PLS1: variants seen among roughly 807,000 people sequenced by gnomAD.
PLS1 encodes the protein plastin-1.
In PLS1, 32 loss-of-function variants were observed where a neutral mutation model predicts 73.7. That is an observed-to-expected ratio of 0.43 (90% CI 0.33 to 0.58). PLS1 has a LOEUF of 0.58. Among genes scored for constraint, PLS1 ranks in the 20% least tolerant of loss-of-function variants. PLS1 has a pLI of 0.04. For missense variants in PLS1, 633 were observed against 740.5 expected, an observed-to-expected ratio of 0.85 and a Z score of 1.68; for synonymous variants, 217 against 261.3, an observed-to-expected ratio of 0.83 and a Z score of 1.63.
chr3:142,602,667 A>G (rs1489611659), intron 1 of PLS1, among the ~76,000 whole-genome samples: 4 of 151,684 alleles, frequency 2.6e-5, no homozygotes, highest in African/African-American at 9.7e-5. Context: ...CCTCTTGATG[A>G]ACCTAATTAC....
intron 1 of PLS1, among the ~76,000 whole-genome samples, chr3:142,656,283 A>G (rs1560052253): frequency 1.3e-5 from 2 of 152,234 alleles, no homozygotes; most frequent in African/African-American, 4.8e-5. Flanking sequence ...AAAGTTTTCT[A>G]TCATAGCTGT....
At chr3:142,671,153 G>A (rs757367347) in intron 4 of PLS1, 31 bp downstream of exon 4, 1 of 1,573,708 alleles carries the variant, frequency 6.4e-7, no homozygotes, top group East Asian at 2.2e-5. Context: ...TGATCTTTTA[G>A]TCACTGATTC....
chr3:142,642,269 A>G (rs1311012597), intron 1 of PLS1, among the ~76,000 whole-genome samples: 6 of 152,124 alleles, frequency 3.9e-5, no homozygotes, highest in Non-Finnish European at 8.8e-5. Flanking sequence ...CTTTGAGAAC[A>G]TGATTTTTAA....
At chr3:142,682,507 A>T (rs1358097348) in intron 6 of PLS1, among the ~76,000 whole-genome samples, 1 of 152,112 alleles carries the variant, frequency 6.6e-6, no homozygotes, top group Admixed American at 6.5e-5. Flanking sequence ...TATTGCAATC[A>T]ATTTAGCGAA....
intron 14 of PLS1, among the ~76,000 whole-genome samples, chr3:142,709,816 C>CAA (rs11438304): frequency 0.035 from 4,978 of 140,544 alleles, 255 homozygotes; most frequent in African/African-American, 0.11. Flanking sequence ...GACTCTGCGT[C>CAA]AAAAAAAAAA....
intron 1 of PLS1, among the ~76,000 whole-genome samples, chr3:142,612,502 G>C (rs2036142230): frequency 6.6e-6 from 1 of 152,190 alleles, no homozygotes; most frequent in Admixed American, 6.5e-5. Flanking sequence ...TATAGCCTTA[G>C]TCCTACCTTC....
chr3:142,659,337 A>T (rs2037312589), intron 1 of PLS1, among the ~76,000 whole-genome samples: 1 of 152,116 alleles, frequency 6.6e-6, no homozygotes, highest in African/African-American at 2.4e-5. Flanking sequence ...CCTTTGTGGA[A>T]AGCTATAAAT....
At chr3:142,708,057 T>G (rs1231259343) in intron 14 of PLS1, among the ~76,000 whole-genome samples, 1 of 152,092 alleles carries the variant, frequency 6.6e-6, no homozygotes, top group South Asian at 2.1e-4. Context: ...TTAGACTACA[T>G]AAGTTAACAA....
chr3:142,687,054 C>G (rs1011767831), intron 9 of PLS1, among the ~76,000 whole-genome samples: 4 of 152,042 alleles, frequency 2.6e-5, no homozygotes, highest in South Asian at 2.1e-4. Context: ...TCTGACCTAC[C>G]AAGCATACTT....
At chr3:142,656,982 C>T (rs542083823) in intron 1 of PLS1, 1 of 152,276 alleles carries the variant, frequency 6.6e-6, no homozygotes, top group African/African-American at 2.4e-5. Context: ...TTTGAAGCAA[C>T]TTTATTTTTA....
At chr3:142,628,073 A>G (rs2036468649) in intron 1 of PLS1, among the ~76,000 whole-genome samples, 1 of 152,254 alleles carries the variant, frequency 6.6e-6, no homozygotes, top group South Asian at 2.1e-4. Context: ...AAAGAAGCTC[A>G]GAGCTCTTTC....
chr3:142,692,996 G>A (rs567378577), intron 10 of PLS1, among the ~76,000 whole-genome samples: 1 of 152,056 alleles, frequency 6.6e-6, no homozygotes, highest in Non-Finnish European at 1.5e-5. Context: ...CTACAAATAA[G>A]GCTGGCATGG....
At chr3:142,620,626 C>T (rs2036296785) in intron 1 of PLS1, among the ~76,000 whole-genome samples, 1 of 152,164 alleles carries the variant, frequency 6.6e-6, no homozygotes, top group East Asian at 1.9e-4. Flanking sequence ...GTTTGAGTTA[C>T]AGATACAACT....
At chr3:142,685,084 ACC>A (rs1405717166) in intron 8 of PLS1, among the ~76,000 whole-genome samples, 2 of 151,378 alleles carry the variant, frequency 1.3e-5, no homozygotes, top group Non-Finnish European at 2.9e-5. Flanking sequence ...TAGCTATATA[ACC>A]TTCAGTCAGG....
chr3:142,683,060 TA>T lies in PLS1; in HGVS notation c.580-943del, dbSNP rs773925634. Among the ~76,000 whole-genome samples the T allele has an allele frequency of 3.5e-4, 54 of 152,222 alleles. 1 individual carries two copies. The highest frequency in any genetic ancestry group is 2.6e-4 in the Admixed American group (4 of 15,288). ...AGCCATTTATTTACTTGGAGCTCAA[TA>T]AATCACTTCAGCACACTGTAGGAGG... On this transcript the variant is annotated intron_variant, in intron 6 of 15. Coordinates refer to ENST00000457734, the MANE Select transcript of PLS1 (RefSeq NM_001145319.2).
At chr3:142,690,743 C>A (rs2038068691) in intron 10 of PLS1, among the ~76,000 whole-genome samples, 1 of 152,148 alleles carries the variant, frequency 6.6e-6, no homozygotes. Context: ...CTCATTGAAG[C>A]TTACAGTATA....
chr3:142,617,749 A>C (rs1261664351), intron 1 of PLS1, among the ~76,000 whole-genome samples: 1 of 151,648 alleles, frequency 6.6e-6, no homozygotes, highest in Admixed American at 6.6e-5. Flanking sequence ...AGGCTGAGGC[A>C]GGTGGATCAC....
At position 142,671,139 on chromosome 3, in the gene PLS1, A is replaced by G; in HGVS notation, c.364+17A>G. Reference sequence around the variant, plus strand: ...CTTATTCAGGTAACTGACTTCTCCAAATTTGATCTTTTAGTCACTGATTCA... The same window carrying G: ...CTTATTCAGGTAACTGACTTCTCCAGATTTGATCTTTTAGTCACTGATTCA... On this transcript the variant is annotated intron_variant, in intron 4 of 15. Transcript: ENST00000457734. 13 of 1,605,590 alleles carry G rather than the reference A, an allele frequency of 8.1e-6. No homozygotes were observed. Among genetic ancestry groups the G allele is most frequent in the South Asian group, 1.1e-5 (1 of 90,458 alleles).
chr3:142,607,878 A>ATT (rs60056145), intron 1 of PLS1, among the ~76,000 whole-genome samples: 1 of 145,616 alleles, frequency 6.9e-6, no homozygotes, highest in African/African-American at 2.5e-5. Context: ...ATTTGTCTGA[A>ATT]TTTTTTTTTT....
Sources: gnomAD v4.1 joint callset for allele counts (sites outside exome capture counted in the v4.1 genomes callset) on GRCh38, gnomAD v4.1.1 for gene constraint, MANE v1.5 for transcripts, NCBI Gene and HGNC (gene_info 2026-07-23, HGNC 2026-07-21) for gene names.